GMDS: variants seen among roughly 807,000 people sequenced by gnomAD.
GMDS encodes the protein GDP-mannose 4,6 dehydratase.
Under a neutral mutation model 49.9 loss-of-function variants are expected in GMDS, and 20 were observed. The observed-to-expected ratio is 0.40, with a 90% confidence interval of 0.28 to 0.58. The LOEUF (loss-of-function observed/expected upper bound fraction) is 0.58. GMDS is among the 20% of genes least tolerant of loss of function. GMDS has a pLI of 0.42. For synonymous variants in GMDS, 177 were observed against 178.6 expected, an observed-to-expected ratio of 0.99 and a Z score of 0.07; for missense variants, 362 against 481.4, an observed-to-expected ratio of 0.75 and a Z score of 2.32.
At chr6:1,900,589 G>A (rs185067654) in intron 7 of GMDS, among the ~76,000 whole-genome samples, 161 of 152,288 alleles carry the variant, frequency 1.1e-3, no homozygotes, top group Non-Finnish European at 8.2e-4. Flanking sequence ...CAAGCACATG[G>A]CTTGATGTAT....
At chr6:1,843,890 G>C (rs1173302502) in intron 7 of GMDS, among the ~76,000 whole-genome samples, 1 of 152,182 alleles carries the variant, frequency 6.6e-6, no homozygotes, top group Admixed American at 6.5e-5. Context: ...AAAGAAGAAA[G>C]GGGAGAACTG....
intron 4 of GMDS, among the ~76,000 whole-genome samples, chr6:2,096,932 TA>T (rs1773638196): frequency 6.6e-6 from 1 of 152,138 alleles, no homozygotes; most frequent in African/African-American, 2.4e-5. Context: ...ATTTTATATA[TA>T]AAAATGCCCA....
chr6:1,696,534 G>C (rs1193503495), intron 9 of GMDS, among the ~76,000 whole-genome samples: 1 of 152,200 alleles, frequency 6.6e-6, no homozygotes, highest in African/African-American at 2.4e-5. Flanking sequence ...ACACATATAT[G>C]CTCACAGGGA....
intron 8 of GMDS, among the ~76,000 whole-genome samples, chr6:1,727,483 T>C (rs961908661): frequency 2.6e-5 from 4 of 152,204 alleles, no homozygotes; most frequent in Admixed American, 6.5e-5. Context: ...CTTTACTGTT[T>C]ATCCTTAGAA....
At chr6:1,927,799 C>T (rs1762097846) in intron 7 of GMDS, among the ~76,000 whole-genome samples, 1 of 152,160 alleles carries the variant, frequency 6.6e-6, no homozygotes, top group South Asian at 2.1e-4. Context: ...TTTCATGAGA[C>T]TTTTTGGCCT....
chr6:2,215,489 C>T (rs1407517145), intron 1 of GMDS, among the ~76,000 whole-genome samples: 2 of 148,060 alleles, frequency 1.4e-5, no homozygotes, highest in African/African-American at 5.0e-5. Flanking sequence ...TGGGGGCAAC[C>T]ACCCCCATGA....
In GMDS at chr6:2,245,496, G is replaced by A. The variant is rs1019828514; in HGVS notation, c.-74C>T. ...GCAGGCGCGGTGCCGGCAGGAACGC[G>A]GGGGTGTGCAGCACGAAGCGCCTCT... On this transcript the variant is annotated 5_prime_UTR_variant, in exon 1 of 11. Transcript: ENST00000380815. 6.2e-6 allele frequency: 5 copies of A among 812,328 alleles called. No homozygotes were observed. The East Asian group carries it at 1.0e-4, about 17-fold the overall frequency. 50.3% of individuals were successfully genotyped at this position (812,328 alleles called of 1,614,324 possible). A position where few individuals can be genotyped will look rare whatever the true frequency, so the allele number is the denominator to read the frequency against.
chr6:1,921,164 T>C (rs535618107), intron 7 of GMDS, among the ~76,000 whole-genome samples: 4 of 152,336 alleles, frequency 2.6e-5, no homozygotes, highest in African/African-American at 9.6e-5. Flanking sequence ...CATGCAACTT[T>C]ATTCTCTATG....
chr6:1,691,826 G>A (rs921260212), intron 9 of GMDS, among the ~76,000 whole-genome samples: 3 of 152,150 alleles, frequency 2.0e-5, no homozygotes, highest in Non-Finnish European at 4.4e-5. Flanking sequence ...TGTGCTGTAT[G>A]ATTATGAAGG....
chr6:2,172,080 G>A (rs1483126395), intron 1 of GMDS, among the ~76,000 whole-genome samples: 2 of 151,980 alleles, frequency 1.3e-5, no homozygotes, highest in African/African-American at 2.4e-5. Flanking sequence ...CAACCCCCAC[G>A]AAAAGCAAGA....
At chr6:1,772,562 G>A (rs1228660244) in intron 7 of GMDS, among the ~76,000 whole-genome samples, 1 of 152,226 alleles carries the variant, frequency 6.6e-6, no homozygotes, top group Non-Finnish European at 1.5e-5. Flanking sequence ...AGATGCAGAG[G>A]TCATCCACTG....
chr6:1,972,264 T>C (rs1041045796), intron 4 of GMDS, among the ~76,000 whole-genome samples: 1 of 135,464 alleles, frequency 7.4e-6, no homozygotes, highest in Non-Finnish European at 1.5e-5. Flanking sequence ...GGGTTTTTGT[T>C]TTTTTTTTTT....
At chr6:1,646,513 C>T (rs1231836493) in intron 9 of GMDS, among the ~76,000 whole-genome samples, 1 of 152,088 alleles carries the variant, frequency 6.6e-6, no homozygotes, top group African/African-American at 2.4e-5. Flanking sequence ...CCCAAGCAGC[C>T]GGGACTACAG....
chr6:1,999,818 A>G (rs1362334827), intron 4 of GMDS, among the ~76,000 whole-genome samples: 1 of 140,898 alleles, frequency 7.1e-6, no homozygotes, highest in Non-Finnish European at 1.5e-5. Context: ...TAACACTGAC[A>G]TTCTTATCTG....
intron 1 of GMDS, among the ~76,000 whole-genome samples, chr6:2,225,508 C>T (rs1228230451): frequency 6.6e-6 from 1 of 152,224 alleles, no homozygotes; most frequent in East Asian, 1.9e-4. Flanking sequence ...TCCTATGCCA[C>T]AGCTCTCTTC....
rs372661926 is a variant in GMDS, at chr6:1,973,609, T to A, written c.346-12643A>T. 9.2e-5 allele frequency among the ~76,000 whole-genome samples: 14 copies of A among 152,298 alleles called. No homozygotes were observed. In the East Asian group the frequency reaches 1.2e-3, roughly 13 times the overall value. ...AATGAAAAGTCACTTCAGCTGCATA[T>A]AAAGAGACTGAAACACAGTAAACAA... is the stretch of plus-strand genomic sequence containing the variant. On this transcript the variant is annotated intron_variant, in intron 4 of 10. Transcript: ENST00000380815.
chr6:1,842,891 G>T (rs1235381513), intron 7 of GMDS, among the ~76,000 whole-genome samples: 1 of 152,096 alleles, frequency 6.6e-6, no homozygotes, highest in African/African-American at 2.4e-5. Context: ...AAGGCAGGTG[G>T]ATTGCTTGAG....
chr6:2,079,882 C>T (rs1562036032), intron 4 of GMDS, among the ~76,000 whole-genome samples: 2 of 152,008 alleles, frequency 1.3e-5, no homozygotes, highest in Non-Finnish European at 2.9e-5. Context: ...TATTTAATAA[C>T]AAAAAAATAG....
intron 6 of GMDS, among the ~76,000 whole-genome samples, chr6:1,957,351 C>A (rs984463657): frequency 2.0e-5 from 3 of 152,128 alleles, no homozygotes; most frequent in African/African-American, 7.2e-5. Context: ...ATGGAATTTT[C>A]AGTCTGGGAA....
Sources: allele counts gnomAD v4.1 joint callset (sites outside exome capture counted in the v4.1 genomes callset), GRCh38; gene constraint gnomAD v4.1.1; transcripts MANE v1.5; gene names NCBI Gene and HGNC (gene_info 2026-07-23, HGNC 2026-07-21).